NTRK2: variants seen among roughly 807,000 people sequenced by gnomAD.
NTRK2 encodes BDNF/NT-3 growth factors receptor.
Under a neutral mutation model 94.5 loss-of-function variants are expected in NTRK2, and 13 were observed. The observed-to-expected ratio is 0.14, with a 90% CI of 0.09 to 0.22. The LOEUF is 0.22. Among genes scored for constraint, NTRK2 ranks in the 10% least tolerant of loss-of-function variants. NTRK2 has a pLI of 1.00. For synonymous variants in NTRK2, 372 were observed against 407.4 expected, an observed-to-expected ratio of 0.91 and a Z score of 1.05; for missense variants, 639 against 1,071.2, an observed-to-expected ratio of 0.60 and a Z score of 5.63.
chr9:84,950,656 T>TCAC (rs2078749553), intron 16 of NTRK2, among the ~76,000 whole-genome samples: 1 of 151,270 alleles, frequency 6.6e-6, no homozygotes, highest in African/African-American at 2.4e-5. Flanking sequence ...CTGCTTGTGA[T>TCAC]ATCTTGGTAG....
intron 17 of NTRK2, among the ~76,000 whole-genome samples, chr9:85,018,768 C>T (rs79056907): frequency 2.6e-5 from 4 of 152,152 alleles, no homozygotes; most frequent in African/African-American, 2.4e-5. Context: ...GTTGCCACCA[C>T]CTTCAGACAT....
At chr9:84,765,521 G>A (rs530342070) in intron 12 of NTRK2, among the ~76,000 whole-genome samples, 23 of 152,146 alleles carry the variant, frequency 1.5e-4, no homozygotes, top group Non-Finnish European at 2.2e-4. Context: ...GAACTTGAGC[G>A]ACTTGCCTGA....
At chr9:84,675,324 C>CTTTTTTTTTTTTTTTTTTTTTTT (rs536445167) in intron 2 of NTRK2, among the ~76,000 whole-genome samples, 7 of 67,324 alleles carry the variant, frequency 1.0e-4, no homozygotes, top group African/African-American at 1.8e-4. Context: ...TCTTTCTTTC[C>CTTTTTTTTTTTTTTTTTTTTTTT]TTTTTTTTTT....
At chr9:84,936,351 A>G (rs150462768) in intron 15 of NTRK2, among the ~76,000 whole-genome samples, 1 of 152,338 alleles carries the variant, frequency 6.6e-6, no homozygotes, top group East Asian at 1.9e-4. Flanking sequence ...ATGCTCAAAT[A>G]GGACTTCAGG....
intron 13 of NTRK2, among the ~76,000 whole-genome samples, chr9:84,861,962 C>T (rs2075359678): frequency 2.0e-5 from 3 of 152,162 alleles, no homozygotes; most frequent in African/African-American, 7.2e-5. Context: ...ATATAAGGAG[C>T]TGTTTCCTGT....
chr9:84,685,229 C>T (rs1048455976), intron 2 of NTRK2, among the ~76,000 whole-genome samples: 11 of 151,888 alleles, frequency 7.2e-5, no homozygotes, highest in South Asian at 2.1e-4. Context: ...ATCTTTCCCT[C>T]GCTAATTTAA....
At chr9:84,831,154 T>C (rs1415429342) in intron 12 of NTRK2, among the ~76,000 whole-genome samples, 2 of 152,224 alleles carry the variant, frequency 1.3e-5, no homozygotes, top group Admixed American at 1.3e-4. Context: ...GTAATGGGCA[T>C]CTCTGTCCAT....
intron 12 of NTRK2, among the ~76,000 whole-genome samples, chr9:84,820,241 C>A (rs759661157): frequency 4.0e-5 from 6 of 148,342 alleles, no homozygotes; most frequent in Non-Finnish European, 5.9e-5. Flanking sequence ...GCGATCTCTG[C>A]TCATTGCAAC....
intron 12 of NTRK2, among the ~76,000 whole-genome samples, chr9:84,795,350 A>G (rs984927732): frequency 9.9e-5 from 15 of 152,076 alleles, no homozygotes; most frequent in Admixed American, 4.6e-4. Context: ...CCCTCATCCC[A>G]ACACGCCCAG....
intron 8 of NTRK2, 37 bp from the exon 9 acceptor site, chr9:84,727,617 C>T (rs1397619713): frequency 3.1e-6 from 5 of 1,597,662 alleles, no homozygotes; most frequent in Non-Finnish European, 4.3e-6. Flanking sequence ...GAATTCTGAG[C>T]TTTCTGATGC....
rs1832816667 is a variant in NTRK2, at chr9:85,022,163, A to G, written c.*726A>G. The G allele has an allele frequency of 4.3e-6, 1 of 233,254 alleles. No homozygotes were observed. The highest frequency in any genetic ancestry group is 1.8e-4 in the South Asian group (1 of 5,532). 14.4% of individuals were successfully genotyped at this position (233,254 alleles called of 1,614,324 possible). A position where few individuals can be genotyped will look rare whatever the true frequency, so the allele number is the denominator to read the frequency against. ...CTGGGATCAGCTGGTGTCAGTCCCT[A>G]CTTAGGAAATACTCAGCAACTGTTA... On this transcript the variant is annotated 3_prime_UTR_variant, in exon 19 of 19. Coordinates refer to ENST00000277120, the MANE Select transcript of NTRK2 (RefSeq NM_006180.6).
At chr9:84,723,431 T>C (rs1001185925) in intron 6 of NTRK2, 142 bp from the exon 7 acceptor site, 7 of 963,244 alleles carry the variant, frequency 7.3e-6, no homozygotes, top group Non-Finnish European at 1.1e-5. Context: ...AAGTAGCACT[T>C]TTTCAGATCA....
At chr9:84,945,543 A>C (rs966526931) in intron 15 of NTRK2, among the ~76,000 whole-genome samples, 5 of 151,924 alleles carry the variant, frequency 3.3e-5, no homozygotes, top group Non-Finnish European at 7.4e-5. Flanking sequence ...CTATTTTTCT[A>C]CTGTGAAGTT....
At chr9:84,765,727 C>T (rs778788808) in intron 12 of NTRK2, among the ~76,000 whole-genome samples, 6 of 152,082 alleles carry the variant, frequency 3.9e-5, no homozygotes, top group African/African-American at 7.2e-5. Flanking sequence ...TTTCTCAAAG[C>T]TGGGGACACT....
chr9:84,723,732 T>C (rs1229675621), intron 7 of NTRK2, 23 bp downstream of exon 7: 1 of 1,614,004 alleles, frequency 6.2e-7, no homozygotes, highest in Non-Finnish European at 8.5e-7. Flanking sequence ...TTTGGCTGTG[T>C]CTTAATAGAG....
chr9:84,671,253 C>T (rs2058682648), intron 2 of NTRK2, among the ~76,000 whole-genome samples: 1 of 152,180 alleles, frequency 6.6e-6, no homozygotes, highest in South Asian at 2.1e-4. Flanking sequence ...CAAAGCTCTG[C>T]TGGGTGTGCT....
intron 14 of NTRK2, chr9:84,871,642 C>T (rs993010841): frequency 7.8e-6 from 6 of 768,518 alleles, no homozygotes; most frequent in Non-Finnish European, 1.4e-5. Flanking sequence ...CAATTATATC[C>T]CTTGAAGTAT....
At chr9:84,748,409 AT>A (rs1256840438) in intron 11 of NTRK2, among the ~76,000 whole-genome samples, 1 of 152,162 alleles carries the variant, frequency 6.6e-6, no homozygotes, top group African/African-American at 2.4e-5. Flanking sequence ...CCCACTTCCC[AT>A]TTTCTAGGTT....
chr9:84,907,690 T>TC (rs1163826911), intron 14 of NTRK2, among the ~76,000 whole-genome samples: 358 of 96,440 alleles, frequency 3.7e-3, no homozygotes, highest in African/African-American at 0.016. Context: ...CTCTTCTTCT[T>TC]TTTTTTTTTT....
Sources: allele counts gnomAD v4.1 joint callset (sites outside exome capture counted in the v4.1 genomes callset), GRCh38; gene constraint gnomAD v4.1.1; transcripts MANE v1.5; gene names NCBI Gene and HGNC (gene_info 2026-07-23, HGNC 2026-07-21).